Variants in ZNF569 observed in about 807,000 individuals in gnomAD.
ZNF569 encodes the protein DNA-binding protein.
In ZNF569, 38 loss-of-function variants were observed where a neutral mutation model predicts 56.3. That is an observed-to-expected ratio of 0.68 (90% confidence interval 0.52 to 0.88). The LOEUF (loss-of-function observed/expected upper bound fraction) is 0.88. Ranked by LOEUF, ZNF569 falls within the 40% of genes least tolerant of loss-of-function variation. The pLI, the probability that ZNF569 is intolerant of heterozygous loss-of-function variation, is 0.00. For synonymous variants in ZNF569, 241 were observed against 262.9 expected, an observed-to-expected ratio of 0.92 and a Z score of 0.81; for missense variants, 666 against 809.2, an observed-to-expected ratio of 0.82 and a Z score of 2.15.
intron 1 of ZNF569, among the ~76,000 whole-genome samples, chr19:37,466,568 G>A (rs1179207557): frequency 6.6e-6 from 1 of 151,980 alleles, no homozygotes; most frequent in Non-Finnish European, 1.5e-5. Context: ...CGGAGGTTGC[G>A]GTGAGCCAAG....
At chr19:37,453,730 C>T (rs1041718332) in intron 2 of ZNF569, among the ~76,000 whole-genome samples, 3 of 152,000 alleles carry the variant, frequency 2.0e-5, no homozygotes, top group East Asian at 1.9e-4. Flanking sequence ...CCTATGGTTT[C>T]GTGTCACTAA....
intron 2 of ZNF569, chr19:37,454,888 G>A (rs749299533): frequency 2.8e-6 from 2 of 701,894 alleles, no homozygotes; most frequent in South Asian, 3.0e-5. Flanking sequence ...CTTGAGTCCT[G>A]TTTCTCTCAG....
rs780644751 is a variant in ZNF569, at chr19:37,413,308, C to A, written c.1350G>T (p.Met450Ile). 6.2e-7 allele frequency: 1 copy of A among 1,608,148 alleles called. No homozygotes were observed. Among genetic ancestry groups the A allele is most frequent in the Admixed American group, 1.7e-5 (1 of 58,686 alleles). The stretch of plus-strand genomic sequence containing the variant: ...TTCTCTGGTGTCTAACAAGATTTGA[C>A]ATCTGTATAAAAGCTTTCCCACATT... ...CNECGKAFIQ[M>I]SNLVRHQRIH... is the part of the protein sequence containing the mutation. The change falls in exon 6 of 6, where the codon ATG (methionine) becomes ATT (isoleucine). Residue 450 changes from methionine (M) to isoleucine (I), a missense_variant. By Grantham distance (10) the Met-to-Ile change is conservative (BLOSUM62 1). Coordinates refer to ENST00000316950, the MANE Select transcript of ZNF569 (RefSeq NM_152484.3).
In ZNF569 at chr19:37,435,639, A is replaced by G. The variant is rs118097228; in HGVS notation, c.16-9261T>C. ...ACACACTTCATCTATAAAGACACACATAGACTGAAAATAGATGGAAAAATA... is the reference window on the plus strand; with the variant it reads ...ACACACTTCATCTATAAAGACACACGTAGACTGAAAATAGATGGAAAAATA... On this transcript the variant is annotated intron_variant, in intron 3 of 5. Coordinates refer to ENST00000316950, the MANE Select transcript of ZNF569 (RefSeq NM_152484.3). Among the ~76,000 whole-genome samples, 229 of 152,348 alleles carry G rather than the reference A, an allele frequency of 1.5e-3. 5 individuals carry two copies. In the East Asian group the frequency reaches 0.041, roughly 27 times the overall value.
intron 3 of ZNF569, among the ~76,000 whole-genome samples, chr19:37,439,222 C>T (rs1183433550): frequency 1.3e-5 from 2 of 152,150 alleles, no homozygotes; most frequent in South Asian, 2.1e-4. Flanking sequence ...AGGTGTGCAC[C>T]ACCATGCCTG....
At chr19:37,435,701 A>G (rs1404318653) in intron 3 of ZNF569, among the ~76,000 whole-genome samples, 3 of 152,194 alleles carry the variant, frequency 2.0e-5, no homozygotes. Context: ...GAGCTGGACT[A>G]GCTATAGACA....
Position 37,445,179 on chromosome 19 carries a change from C to T in ZNF569, c.-43-215G>A, listed in dbSNP as rs538414758. On this transcript the variant is annotated intron_variant, in intron 2 of 5. Coordinates refer to ENST00000316950, the MANE Select transcript of ZNF569 (RefSeq NM_152484.3). ...CACAGGGTGGATAGAAACAGGGGTG[C>T]GTATGTGGGAGCTCTGTATCAGAGA... is the stretch of plus-strand genomic sequence containing the variant. Among the ~76,000 whole-genome samples, 336 of 152,056 alleles carry T rather than the reference C, an allele frequency of 2.2e-3. 3 individuals are homozygous for T. Among genetic ancestry groups the T allele is most frequent in the African/African-American group, 7.8e-3 (322 of 41,468 alleles).
intron 2 of ZNF569, among the ~76,000 whole-genome samples, chr19:37,453,203 C>G (rs2041622294): frequency 6.6e-6 from 1 of 152,162 alleles, no homozygotes; most frequent in Non-Finnish European, 1.5e-5. Context: ...GTTAGGGCAT[C>G]TCTTCCTGAC....
At chr19:37,421,455 G>A (rs1036307920) in intron 5 of ZNF569, among the ~76,000 whole-genome samples, 15 of 152,090 alleles carry the variant, frequency 9.9e-5, no homozygotes, top group African/African-American at 2.7e-4. Context: ...AGCTTCCATC[G>A]GCTCTTACTG....
Position 37,426,245 on chromosome 19 carries a change from C to A in ZNF569, c.142+7G>T, listed in dbSNP as rs1180138047. ...AGAGTTTGAATTATATAGTAAATTA[C>A]TCTTACCTACTGTGATTAAGTTGTT... is the stretch of plus-strand genomic sequence containing the variant. On this transcript the variant is annotated splice_region_variant and intron_variant, in intron 4 of 5. Transcript: ENST00000316950. 2 of 1,600,488 alleles carry A rather than the reference C, an allele frequency of 1.2e-6. No homozygotes were observed. The highest frequency in any genetic ancestry group is 3.6e-5 in the Admixed American group (2 of 55,760).
At chr19:37,416,262 A>C (rs2040930144) in intron 5 of ZNF569, among the ~76,000 whole-genome samples, 1 of 142,860 alleles carries the variant, frequency 7.0e-6, no homozygotes, top group African/African-American at 3.0e-5. Flanking sequence ...AAAAAACAAA[A>C]AAACAAAAAA....
intron 3 of ZNF569, among the ~76,000 whole-genome samples, chr19:37,427,012 T>C (rs908139332): frequency 6.6e-6 from 1 of 152,172 alleles, no homozygotes; most frequent in Non-Finnish European, 1.5e-5. Context: ...ACTGAAACTG[T>C]GTATTTAAAA....
At chr19:37,422,348 C>T (rs1258707526) in intron 5 of ZNF569, among the ~76,000 whole-genome samples, 1 of 152,140 alleles carries the variant, frequency 6.6e-6, no homozygotes, top group Non-Finnish European at 1.5e-5. Context: ...AGAACACATA[C>T]AACATTTAAC....
chr19:37,438,026 A>G (rs747013477), intron 3 of ZNF569, among the ~76,000 whole-genome samples: 4 of 126,036 alleles, frequency 3.2e-5, no homozygotes, highest in Admixed American at 7.8e-5. Context: ...CATCCTGAGC[A>G]AACAGAAAAA....
intron 2 of ZNF569, among the ~76,000 whole-genome samples, chr19:37,449,279 A>T (rs564582621): frequency 1.3e-5 from 2 of 152,312 alleles, no homozygotes; most frequent in South Asian, 4.1e-4. Context: ...CTTGAGGAAG[A>T]CATGTATTCT....
Position 37,412,924 on chromosome 19 carries a change from A to G in ZNF569, c.1734T>C (p.Tyr578=). The G allele has an allele frequency of 6.2e-7, 1 of 1,614,038 alleles. No individual in the cohort carries two copies. The highest frequency in any genetic ancestry group is 8.5e-7 in the Non-Finnish European group (1 of 1,179,954). The change falls in exon 6 of 6, where the codon TAT becomes TAC. Residue 578 remains tyrosine, a synonymous_variant. Transcript: ENST00000316950. ...AGGCTTTCCCACATTCATTACATAC[A>G]TAGGGCTTCTCACCTGTGTGACTTC... is the stretch of plus-strand genomic sequence containing the variant. The part of the protein sequence containing the change: ...HMRSHTGEKP[Y]VCNECGKAFS...
rs554460700 is a variant in ZNF569, at chr19:37,426,102, A to G, written c.143-139T>C. On this transcript the variant is annotated intron_variant, in intron 4 of 5. Coordinates refer to ENST00000316950, the MANE Select transcript of ZNF569 (RefSeq NM_152484.3). ...GGGGTTCTGTCCCCTTTTGCTCTGA[A>G]AACTGCAGCATGGACATTCACATGA... The G allele has an allele frequency of 1.2e-5, 15 of 1,291,764 alleles. No homozygotes were observed. In the African/African-American group the frequency reaches 1.5e-4, roughly 13 times the overall value. The allele number at this position is 1,291,764 out of a possible 1,614,324, so 80.0% of individuals were successfully genotyped here. A position where few individuals can be genotyped will look rare whatever the true frequency, so the allele number is the denominator to read the frequency against.
At chr19:37,422,870 G>C (rs968953687) in intron 5 of ZNF569, among the ~76,000 whole-genome samples, 7 of 150,440 alleles carry the variant, frequency 4.7e-5, no homozygotes, top group South Asian at 2.2e-4. Flanking sequence ...TGCATCACTG[G>C]GTCTACAGGA....
chr19:37,454,923 T>A lies in ZNF569; in HGVS notation c.-43-9959A>T, dbSNP rs1180069095. On this transcript the variant is annotated intron_variant, in intron 2 of 5. Transcript: ENST00000316950. ...GCTGGCATCTTTCTTTCCCCAGATTTAAGATTACTTGGTTGCCCTGTGACC... is the reference window on the plus strand; with the variant it reads ...GCTGGCATCTTTCTTTCCCCAGATTAAAGATTACTTGGTTGCCCTGTGACC... 4.3e-6 allele frequency: 3 copies of A among 699,910 alleles called. No individual in the cohort carries two copies. The African/African-American group carries it at 5.3e-5, about 12-fold the overall frequency. The allele number at this position is 699,910 out of a possible 1,614,324, so 43.4% of individuals were successfully genotyped here.
Sources: allele counts gnomAD v4.1 joint callset (sites outside exome capture counted in the v4.1 genomes callset), GRCh38; gene constraint gnomAD v4.1.1; transcripts MANE v1.5; gene names NCBI Gene and HGNC (gene_info 2026-07-23, HGNC 2026-07-21).